The following EPB41L2 variants were observed in gnomAD, a reference collection of about 807,000 sequenced individuals.
EPB41L2 encodes band 4.1-like protein 2.
EPB41L2 carries 43 observed loss-of-function variants against 113.0 expected under a neutral mutation model. That is an observed-to-expected ratio of 0.38 (90% confidence interval 0.30 to 0.49). EPB41L2 has a LOEUF of 0.49. Among genes scored for constraint, EPB41L2 ranks in the 20% least tolerant of loss-of-function variants. EPB41L2 has a pLI of 0.95. For synonymous variants in EPB41L2, 442 were observed against 436.7 expected (o/e 1.01, Z -0.15); for missense variants, 1,147 against 1,223.4 (o/e 0.94, Z 0.93).
At chr6:130,886,091 A>G (rs1405369033) in intron 11 of EPB41L2, among the ~76,000 whole-genome samples, 1 of 152,164 alleles carries the variant, frequency 6.6e-6, no homozygotes, top group Non-Finnish European at 1.5e-5. Context: ...AACTACCACA[A>G]GGTCATTTCA....
intron 8 of EPB41L2, among the ~76,000 whole-genome samples, chr6:130,896,120 G>C (rs1158360314): frequency 6.6e-6 from 1 of 152,068 alleles, no homozygotes; most frequent in African/African-American, 2.4e-5. Flanking sequence ...TTAATAAAAG[G>C]ACATTTTGTC....
chr6:130,909,768 C>T (rs914502883), intron 4 of EPB41L2, among the ~76,000 whole-genome samples: 16 of 152,104 alleles, frequency 1.1e-4, no homozygotes, highest in African/African-American at 3.6e-4. Context: ...TGAGTGAACT[C>T]CCATTCACAA....
intron 1 of EPB41L2, among the ~76,000 whole-genome samples, chr6:130,981,769 T>C (rs946495656): frequency 6.6e-6 from 1 of 152,082 alleles, no homozygotes; most frequent in Admixed American, 6.5e-5. Flanking sequence ...GTAGCTTTAT[T>C]AAAAAAGCTA....
At chr6:131,004,892 A>C (rs1001401251) in intron 1 of EPB41L2, among the ~76,000 whole-genome samples, 7 of 152,206 alleles carry the variant, frequency 4.6e-5, no homozygotes, top group Non-Finnish European at 1.0e-4. Context: ...GGTCATGTAC[A>C]AACAGGAACT....
intron 10 of EPB41L2, 132 bp downstream of exon 10, chr6:130,894,212 G>T: frequency 1.5e-6 from 1 of 674,508 alleles, no homozygotes; most frequent in Non-Finnish European, 2.6e-6. Flanking sequence ...GAGAGATGGA[G>T]TCTCAGTATG....
intron 1 of EPB41L2, among the ~76,000 whole-genome samples, chr6:130,999,716 T>A (rs1306174608): frequency 6.6e-6 from 1 of 152,086 alleles, no homozygotes; most frequent in African/African-American, 2.4e-5. Context: ...TAAAATTAAT[T>A]TGGGAGGGGT....
At chr6:130,916,081 T>C (rs964734150) in intron 4 of EPB41L2, among the ~76,000 whole-genome samples, 1 of 152,240 alleles carries the variant, frequency 6.6e-6, no homozygotes, top group African/African-American at 2.4e-5. Context: ...TTATTATAGT[T>C]ATACATTGAA....
At chr6:130,903,739 C>G (rs1796946467) in intron 6 of EPB41L2, among the ~76,000 whole-genome samples, 1 of 152,054 alleles carries the variant, frequency 6.6e-6, no homozygotes, top group South Asian at 2.1e-4. Flanking sequence ...ATCCCTGGTA[C>G]CCAGTGTAAT....
intron 1 of EPB41L2, among the ~76,000 whole-genome samples, chr6:131,047,306 C>T (rs1359703654): frequency 3.3e-5 from 5 of 151,968 alleles, no homozygotes; most frequent in African/African-American, 1.2e-4. Context: ...TGTGAGTACC[C>T]AGTGTACTCC....
intron 4 of EPB41L2, among the ~76,000 whole-genome samples, chr6:130,920,803 C>A (rs1018424513): frequency 2.6e-5 from 4 of 152,134 alleles, no homozygotes; most frequent in Non-Finnish European, 4.4e-5. Context: ...AGCCACCATA[C>A]CTGGCCTCTC....
intron 1 of EPB41L2, among the ~76,000 whole-genome samples, chr6:130,986,080 C>T (rs550082914): frequency 6.6e-6 from 1 of 152,228 alleles, no homozygotes; most frequent in Non-Finnish European, 1.5e-5. Context: ...AAAATACTGG[C>T]AAACCAAATC....
chr6:130,889,148 A>T (rs1479694225), intron 11 of EPB41L2, among the ~76,000 whole-genome samples: 5 of 151,902 alleles, frequency 3.3e-5, no homozygotes, highest in Non-Finnish European at 5.9e-5. Flanking sequence ...AGTAAAATAC[A>T]ATTTTCAAAT....
At chr6:130,851,139 C>T (rs1778661387) in intron 19 of EPB41L2, among the ~76,000 whole-genome samples, 1 of 152,156 alleles carries the variant, frequency 6.6e-6, no homozygotes, top group Non-Finnish European at 1.5e-5. Context: ...GCCTGCAGAA[C>T]TGAAATAGTC....
At chr6:130,862,260 G>A (rs751087464) in intron 18 of EPB41L2, among the ~76,000 whole-genome samples, 12 of 151,868 alleles carry the variant, frequency 7.9e-5, no homozygotes, top group Admixed American at 1.3e-4. Context: ...CTGGAAAGGT[G>A]GCATTTTAAA....
intron 1 of EPB41L2, among the ~76,000 whole-genome samples, chr6:131,061,987 A>G (rs1212818412): frequency 6.6e-6 from 1 of 152,100 alleles, no homozygotes; most frequent in East Asian, 1.9e-4. Flanking sequence ...GTGATTCAGA[A>G]AAGCGAAAAT....
intron 1 of EPB41L2, among the ~76,000 whole-genome samples, chr6:130,976,515 G>T (rs1288292004): frequency 3.9e-5 from 6 of 152,162 alleles, no homozygotes; most frequent in African/African-American, 1.4e-4. Flanking sequence ...CTCTAGGAAA[G>T]AAAGATACTG....
At chr6:131,013,239 GAA>G (rs56287133) in intron 1 of EPB41L2, among the ~76,000 whole-genome samples, 42,068 of 150,356 alleles carry the variant, frequency 0.28, 6,949 homozygotes, top group Non-Finnish European at 0.37. Context: ...GTTAACTAAA[GAA>G]AAAAAAAAAT....
chr6:130,948,389 C>T (rs77946462), intron 3 of EPB41L2, among the ~76,000 whole-genome samples: 30 of 151,810 alleles, frequency 2.0e-4, no homozygotes, highest in East Asian at 3.9e-4. Flanking sequence ...CCGAGATCTA[C>T]GAAATGCATA....
At chr6:130,938,069 A>G (rs905508396) in intron 3 of EPB41L2, among the ~76,000 whole-genome samples, 5 of 152,224 alleles carry the variant, frequency 3.3e-5, no homozygotes, top group African/African-American at 1.2e-4. Context: ...GAATAATCTT[A>G]TATCACTTAA....
Sources: gnomAD v4.1 joint callset for allele counts (sites outside exome capture counted in the v4.1 genomes callset) on GRCh38, gnomAD v4.1.1 for gene constraint, MANE v1.5 for transcripts, NCBI Gene and HGNC (gene_info 2026-07-23, HGNC 2026-07-21) for gene names.